The following NXPH1 variants were observed in gnomAD, a reference collection of about 807,000 sequenced individuals.
The protein encoded by NXPH1 is neurexophilin-1.
A neutral mutation model predicts 23.7 loss-of-function variants in NXPH1; 5 were observed. The observed-to-expected ratio is 0.21, with a 90% CI of 0.11 to 0.44. The LOEUF (loss-of-function observed/expected upper bound fraction) is 0.44, where lower values mean the gene tolerates loss of function less well. NXPH1 is among the 20% of genes least tolerant of loss of function. The probability of loss-of-function intolerance (pLI) is 0.99; values close to 1 mark genes in which losing one functional copy is unlikely to be tolerated. For missense variants in NXPH1, 324 were observed against 321.6 expected, an observed-to-expected ratio of 1.01 and a Z score of -0.06; for synonymous variants, 144 against 122.2, an observed-to-expected ratio of 1.18 and a Z score of -1.18.
chr7:8,506,926 C>T (rs1817536289), intron 2 of NXPH1, among the ~76,000 whole-genome samples: 1 of 152,034 alleles, frequency 6.6e-6, no homozygotes, highest in Admixed American at 6.6e-5. Flanking sequence ...GTTCCAATCC[C>T]TGAAGGGCTT....
At chr7:8,708,044 T>A (rs980062490) in intron 2 of NXPH1, among the ~76,000 whole-genome samples, 4 of 152,174 alleles carry the variant, frequency 2.6e-5, no homozygotes, top group Non-Finnish European at 4.4e-5. Context: ...ATATGCAAAT[T>A]TTAAATGGAA....
At chr7:8,729,489 C>A (rs898104752) in intron 2 of NXPH1, among the ~76,000 whole-genome samples, 3 of 138,342 alleles carry the variant, frequency 2.2e-5, no homozygotes, top group African/African-American at 8.8e-5. Flanking sequence ...TGCTATAAAT[C>A]TCCCTCTACA....
At chr7:8,602,207 T>G (rs947117346) in intron 2 of NXPH1, among the ~76,000 whole-genome samples, 1 of 152,190 alleles carries the variant, frequency 6.6e-6, no homozygotes, top group African/African-American at 2.4e-5. Flanking sequence ...ATATGCTTTT[T>G]TAGTTATTTC....
intron 2 of NXPH1, among the ~76,000 whole-genome samples, chr7:8,717,679 A>G (rs1416262845): frequency 6.6e-6 from 1 of 152,170 alleles, no homozygotes. Context: ...TTGTGCTCCC[A>G]TCTAAGAGAT....
rs1816313533 is a variant in NXPH1 at position 8,442,197 on chromosome 7, AG to A, written c.54+6435del. 6.6e-6 allele frequency among the ~76,000 whole-genome samples: 1 copy of A among 152,182 alleles called. No homozygotes were observed. Among genetic ancestry groups the A allele is most frequent in the Admixed American group, 6.5e-5 (1 of 15,284 alleles). On this transcript the variant is annotated intron_variant, in intron 2 of 2. Transcript: ENST00000405863. The surrounding 1 kb of genome is among the most constrained non-coding windows in gnomAD (Gnocchi z 4.6). ...CGTTCAAGCCGGAAATACGATGGGG[AG>A]GGGGAGACACAGGCCGCATCCAGAG...
chr7:8,611,091 AT>A (rs1819609387), intron 2 of NXPH1, among the ~76,000 whole-genome samples: 1 of 151,980 alleles, frequency 6.6e-6, no homozygotes, highest in Non-Finnish European at 1.5e-5. Flanking sequence ...TATCATTCTC[AT>A]TTTTTCCTTT....
At chr7:8,705,194 T>C (rs1339493731) in intron 2 of NXPH1, among the ~76,000 whole-genome samples, 3 of 152,166 alleles carry the variant, frequency 2.0e-5, no homozygotes, top group Non-Finnish European at 4.4e-5. Context: ...GTGCTGAGTC[T>C]TCCTGAAGTC....
chr7:8,719,933 C>T (rs935156712), intron 2 of NXPH1, among the ~76,000 whole-genome samples: 4 of 152,136 alleles, frequency 2.6e-5, no homozygotes, highest in African/African-American at 7.2e-5. Flanking sequence ...GATTCTATCT[C>T]TAAATTAGAA....
At chr7:8,484,363 G>T (rs993126) in intron 2 of NXPH1, among the ~76,000 whole-genome samples, 81,993 of 151,330 alleles carry the variant, frequency 0.54, 24,397 homozygotes, top group African/African-American at 0.79. Flanking sequence ...CACCGTAGCT[G>T]GTCTAGGTCT....
intron 2 of NXPH1, among the ~76,000 whole-genome samples, chr7:8,676,502 A>T (rs1376346424): frequency 6.6e-6 from 1 of 152,140 alleles, no homozygotes. Context: ...GTATATTATT[A>T]CCTTTAAAAT....
At chr7:8,675,709 G>A (rs1171034755) in intron 2 of NXPH1, among the ~76,000 whole-genome samples, 1 of 152,110 alleles carries the variant, frequency 6.6e-6, no homozygotes, top group Non-Finnish European at 1.5e-5. Flanking sequence ...TTTAAAGTAT[G>A]AGTATAGGTT....
intron 2 of NXPH1, among the ~76,000 whole-genome samples, chr7:8,713,567 C>G (rs552756177): frequency 1.3e-5 from 2 of 151,962 alleles, no homozygotes; most frequent in African/African-American, 2.4e-5. Flanking sequence ...TCTTTGCAAC[C>G]TTGGCTTGTT....
chr7:8,745,957 T>G, intron 2 of NXPH1, among the ~76,000 whole-genome samples: 1 of 152,082 alleles, frequency 6.6e-6, no homozygotes, highest in African/African-American at 2.4e-5. Context: ...AAGGATCATC[T>G]CTTCTGTTAT....
chr7:8,546,896 A>G (rs1235700955), intron 2 of NXPH1, among the ~76,000 whole-genome samples: 2 of 151,416 alleles, frequency 1.3e-5, no homozygotes, highest in East Asian at 3.9e-4. Flanking sequence ...GAAACCTTGT[A>G]TCTCTTTGAC....
chr7:8,478,795 A>G (rs1490481769), intron 2 of NXPH1, among the ~76,000 whole-genome samples: 2 of 152,120 alleles, frequency 1.3e-5, no homozygotes, highest in Non-Finnish European at 2.9e-5. Flanking sequence ...TTATTATCAG[A>G]CTTTTTTGAT....
At chr7:8,641,263 C>T (rs1018994036) in intron 2 of NXPH1, among the ~76,000 whole-genome samples, 1 of 152,188 alleles carries the variant, frequency 6.6e-6, no homozygotes, top group African/African-American at 2.4e-5. Context: ...CAAAGTAATA[C>T]CTGTGCACAG....
chr7:8,443,070 G>A (rs1158971661), intron 2 of NXPH1, among the ~76,000 whole-genome samples: 1 of 152,202 alleles, frequency 6.6e-6, no homozygotes, highest in Non-Finnish European at 1.5e-5. Context: ...CCTTAAAGTC[G>A]AGTTAGCACT....
At chr7:8,629,877 A>G (rs1820087857) in intron 2 of NXPH1, among the ~76,000 whole-genome samples, 1 of 152,164 alleles carries the variant, frequency 6.6e-6, no homozygotes, top group Non-Finnish European at 1.5e-5. Context: ...AGCAGCTACT[A>G]TAGATAATTT....
At chr7:8,463,589 T>C (rs1228360925) in intron 2 of NXPH1, among the ~76,000 whole-genome samples, 1 of 152,196 alleles carries the variant, frequency 6.6e-6, no homozygotes, top group Non-Finnish European at 1.5e-5. Flanking sequence ...GAGCTGTTTT[T>C]CATATCCTTT....
Sources: gnomAD v4.1 joint callset for allele counts (sites outside exome capture counted in the v4.1 genomes callset) on GRCh38, gnomAD v4.1.1 for gene constraint, Gnocchi (gnomAD v3.1) non-coding constraint, MANE v1.5 for transcripts, NCBI Gene and HGNC (gene_info 2026-07-23, HGNC 2026-07-21) for gene names.